Variants in OPCML observed in about 807,000 individuals in gnomAD.
The protein encoded by OPCML is opioid-binding protein/cell adhesion molecule.
A neutral mutation model predicts 37.8 loss-of-function variants in OPCML; 13 were observed. The observed-to-expected ratio is 0.34, with a 90% CI of 0.22 to 0.55. The LOEUF is 0.55. Ranked by LOEUF, OPCML falls within the 20% of genes least tolerant of loss-of-function variation. The pLI is 0.91. For synonymous variants in OPCML, 176 were observed against 168.8 expected (o/e 1.04, Z -0.33); for missense variants, 341 against 435.6 (o/e 0.78, Z 1.93).
At chr11:133,467,461 A>G (rs1947002387) in intron 1 of OPCML, among the ~76,000 whole-genome samples, 1 of 152,232 alleles carries the variant, frequency 6.6e-6, no homozygotes, top group East Asian at 1.9e-4. Context: ...TTGTATACTT[A>G]TAGTTATTTA....
chr11:132,972,468 T>C (rs1946366485), intron 1 of OPCML, among the ~76,000 whole-genome samples: 1 of 152,346 alleles, frequency 6.6e-6, no homozygotes, highest in Middle Eastern at 3.4e-3. Flanking sequence ...GCTGAGTGAA[T>C]ATGCTCCACA....
intron 1 of OPCML, among the ~76,000 whole-genome samples, chr11:132,975,421 C>T (rs987649478): frequency 2.0e-5 from 3 of 150,312 alleles, no homozygotes; most frequent in African/African-American, 7.3e-5. Flanking sequence ...GAGGAAGAAG[C>T]ATATAATATG....
At chr11:132,845,978 T>C (rs1303168488) in intron 2 of OPCML, among the ~76,000 whole-genome samples, 1 of 152,128 alleles carries the variant, frequency 6.6e-6, no homozygotes, top group Non-Finnish European at 1.5e-5. Context: ...ACTTTGACTT[T>C]TTTCATACCA....
intron 2 of OPCML, among the ~76,000 whole-genome samples, chr11:132,909,437 G>A (rs2136533911): frequency 6.6e-6 from 1 of 152,318 alleles, no homozygotes; most frequent in South Asian, 2.1e-4. Context: ...GAATGCTTCT[G>A]CATGCTGTGT....
chr11:133,437,701 C>A (rs1035003294), intron 1 of OPCML, among the ~76,000 whole-genome samples: 13 of 141,360 alleles, frequency 9.2e-5, no homozygotes, highest in African/African-American at 2.8e-5. Flanking sequence ...CAACCCCGCT[C>A]ACCTCTCCCC....
At chr11:133,385,448 A>G (rs1945024439) in intron 1 of OPCML, among the ~76,000 whole-genome samples, 1 of 152,206 alleles carries the variant, frequency 6.6e-6, no homozygotes, top group Admixed American at 6.5e-5. Flanking sequence ...TATAGAAGGC[A>G]AAGGCTTGGT....
chr11:132,899,180 G>T (rs1343538463), intron 2 of OPCML, among the ~76,000 whole-genome samples: 1 of 152,180 alleles, frequency 6.6e-6, no homozygotes, highest in Non-Finnish European at 1.5e-5. Context: ...TACAGAATGG[G>T]TAGTGGAAGG....
At chr11:132,518,009 T>G (rs957055579) in intron 4 of OPCML, among the ~76,000 whole-genome samples, 2 of 152,150 alleles carry the variant, frequency 1.3e-5, no homozygotes, top group Non-Finnish European at 2.9e-5. Context: ...CTCTCTTACT[T>G]GAAACTCTTT....
chr11:133,383,036 C>T (rs1349316727), intron 1 of OPCML, among the ~76,000 whole-genome samples: 1 of 152,084 alleles, frequency 6.6e-6, no homozygotes, highest in Non-Finnish European at 1.5e-5. Context: ...CTCTTGGCCA[C>T]CTTTTTTTCC....
At chr11:132,811,354 A>T (rs1168962031) in intron 2 of OPCML, among the ~76,000 whole-genome samples, 1 of 152,154 alleles carries the variant, frequency 6.6e-6, no homozygotes, top group Admixed American at 6.5e-5. Context: ...GTTGCAATTC[A>T]TTGAATCACA....
At chr11:133,189,777 A>G (rs372168936) in intron 1 of OPCML, among the ~76,000 whole-genome samples, 96 of 152,330 alleles carry the variant, frequency 6.3e-4, no homozygotes, top group African/African-American at 2.3e-3. Flanking sequence ...AATCAATTCA[A>G]GGTAGACTCC....
chr11:133,376,154 G>T (rs1018897731), intron 1 of OPCML, among the ~76,000 whole-genome samples: 11 of 152,190 alleles, frequency 7.2e-5, no homozygotes, highest in African/African-American at 2.6e-4. Flanking sequence ...GATTCAGTAA[G>T]AGATCATAAA....
At chr11:133,354,681 G>A (rs932767826) in intron 1 of OPCML, among the ~76,000 whole-genome samples, 1 of 152,176 alleles carries the variant, frequency 6.6e-6, no homozygotes, top group Non-Finnish European at 1.5e-5. Context: ...AATATTTTGA[G>A]TGTTATGAGA....
At chr11:132,426,764 T>C (rs1408951576) in intron 7 of OPCML, among the ~76,000 whole-genome samples, 1 of 152,158 alleles carries the variant, frequency 6.6e-6, no homozygotes, top group Admixed American at 6.5e-5. Flanking sequence ...AAAATTTGGT[T>C]GAAGGCTTAA....
At chr11:133,493,936 G>T (rs912797446) in intron 1 of OPCML, among the ~76,000 whole-genome samples, 1 of 151,856 alleles carries the variant, frequency 6.6e-6, no homozygotes, top group African/African-American at 2.4e-5. Context: ...CCCACAAAAT[G>T]GGAGAAAATT....
rs1004668837 is a variant in OPCML, at chr11:132,734,852, C to T, written c.147-77533G>A. 2.6e-5 allele frequency among the ~76,000 whole-genome samples: 4 copies of T among 151,966 alleles called. No homozygotes were observed. The South Asian group carries it at 8.3e-4, about 32-fold the overall frequency. On this transcript the variant is annotated intron_variant, in intron 2 of 7. Transcript: ENST00000524381. ...GTTTAAAGAGACTGGTAGCATAAGCCTAATGGTTCTTGAGAAGGTAATGAG... is the reference window on the plus strand; with the variant it reads ...GTTTAAAGAGACTGGTAGCATAAGCTTAATGGTTCTTGAGAAGGTAATGAG...
intron 1 of OPCML, among the ~76,000 whole-genome samples, chr11:133,275,671 C>G (rs1351749570): frequency 6.6e-6 from 1 of 152,194 alleles, no homozygotes; most frequent in South Asian, 2.1e-4. Context: ...AAATATTAAC[C>G]TCTCTCTGCT....
chr11:133,361,645 C>T, intron 1 of OPCML: 1 of 162,972 alleles, frequency 6.1e-6, no homozygotes, highest in Non-Finnish European at 1.3e-5. Context: ...GCACCTGCAG[C>T]TATCCCGGGG....
chr11:133,099,935 G>A (rs376119809), intron 1 of OPCML, among the ~76,000 whole-genome samples: 2 of 152,068 alleles, frequency 1.3e-5, no homozygotes. Context: ...GTCCATCAAT[G>A]GTGGACTGAA....
Sources: gnomAD v4.1 joint callset for allele counts (sites outside exome capture counted in the v4.1 genomes callset) on GRCh38, gnomAD v4.1.1 for gene constraint, MANE v1.5 for transcripts, NCBI Gene and HGNC (gene_info 2026-07-23, HGNC 2026-07-21) for gene names.